CAPN1: variants seen among roughly 807,000 people sequenced by gnomAD.
The protein encoded by CAPN1 is calpain-1 catalytic subunit.
In CAPN1, 77 loss-of-function variants were observed where a neutral mutation model predicts 105.2. The ratio of observed to expected loss-of-function variants is 0.73; its 90% CI spans 0.61 to 0.88. The LOEUF (loss-of-function observed/expected upper bound fraction) is 0.88. Ranked by LOEUF, CAPN1 falls within the 40% of genes least tolerant of loss-of-function variation. The pLI is 0.00. For missense variants in CAPN1, 833 were observed against 976.6 expected, an observed-to-expected ratio of 0.85 and a Z score of 1.96; for synonymous variants, 355 against 388.8, an observed-to-expected ratio of 0.91 and a Z score of 1.02.
Position 65,211,056 on chromosome 11 carries a change from AG to A in CAPN1, c.2118+188del. 4.1e-6 allele frequency: 3 copies of A among 739,670 alleles called. No individual in the cohort carries two copies. In the South Asian group the frequency reaches 5.0e-5, roughly 12 times the overall value. 45.8% of individuals were successfully genotyped at this position (739,670 alleles called of 1,614,324 possible). ...GTCTGGATTCTGGGAAAGGAGCAGG[AG>A]GGGAGGTCCAGGCCCTTGGAGGCCC... On this transcript the variant is annotated intron_variant, in intron 21 of 21. Transcript: ENST00000279247.
At chr11:65,190,632 T>A (rs1948705112) in intron 10 of CAPN1, among the ~76,000 whole-genome samples, 1 of 152,180 alleles carries the variant, frequency 6.6e-6, no homozygotes, top group African/African-American at 2.4e-5. Flanking sequence ...TTACTACAGA[T>A]GTGTAAGTCC....
Position 65,206,523 on chromosome 11 carries a change from G to T in CAPN1, c.1414G>T (p.Ala472Ser). ...CTTCTTCCTGGCCAATGCGTCTCGG[G>T]CGCGCTCAGAGCAGTTCATCAACCT... The part of the protein sequence containing the change: ...RDFFLANASR[A>S]RSEQFINLRE... Residue 472 changes from alanine to serine, a missense_variant, in exon 13 of 22, where the codon GCG (alanine) becomes TCG (serine). Physicochemically the swap from Ala to Ser is moderately conservative, Grantham distance 99. Coordinates refer to ENST00000279247, the MANE Select transcript of CAPN1 (RefSeq NM_005186.4). 1.2e-6 allele frequency: 2 copies of T among 1,613,452 alleles called. No individual in the cohort carries two copies. The highest frequency in any genetic ancestry group is 1.7e-6 in the Non-Finnish European group (2 of 1,179,894).
intron 21 of CAPN1, 142 bp downstream of exon 21, chr11:65,211,014 A>G (rs1157145542): frequency 4.8e-6 from 4 of 830,770 alleles, no homozygotes; most frequent in Non-Finnish European, 6.0e-6. Context: ...TGAATCCTGA[A>G]AGGCTGGGGT....
Position 65,204,813 on chromosome 11 carries a change from C to T in CAPN1, c.1296C>T (p.Arg432=). ...TGCAGAAGCACCGTCGCCGCGAGCGCCGCTTCGGCCGCGACATGGAGACTA... is the reference window on the plus strand; with the variant it reads ...TGCAGAAGCACCGTCGCCGCGAGCGTCGCTTCGGCCGCGACATGGAGACTA... ...ALMQKHRRRE[R]RFGRDMETIG... Residue 432 remains arginine, a synonymous_variant, in exon 11 of 22, where the codon CGC becomes CGT. Coordinates refer to ENST00000279247, the MANE Select transcript of CAPN1 (RefSeq NM_005186.4). 6.2e-7 allele frequency: 1 copy of T among 1,612,418 alleles called. No individual in the cohort carries two copies. The highest frequency in any genetic ancestry group is 8.5e-7 in the Non-Finnish European group (1 of 1,179,416).
rs532548069 is a variant in CAPN1, at chr11:65,204,229, G to C, written c.1166-454G>C. 3.3e-5 allele frequency among the ~76,000 whole-genome samples: 5 copies of C among 152,250 alleles called. 1 individual carries two copies. In the South Asian group the frequency reaches 1.0e-3, roughly 32 times the overall value. On this transcript the variant is annotated intron_variant, in intron 10 of 21. Coordinates refer to ENST00000279247, the MANE Select transcript of CAPN1 (RefSeq NM_005186.4). The stretch of plus-strand genomic sequence containing the variant: ...AGTCCACACGCCCTAGTCCCTGGCC[G>C]GCTCCTGGGAGCTCTGCGGCCTCCC...
rs1412785969 is a variant in CAPN1, at chr11:65,211,690, G to A, written c.*404G>A. ...AAACTATAACCACTAGCTCGACACA[G>A]TCTGCAGTCCAGGCGTGTGGAGCCG... is the stretch of plus-strand genomic sequence containing the variant. On this transcript the variant is annotated 3_prime_UTR_variant, in exon 22 of 22. Transcript: ENST00000279247. 7 of 230,696 alleles carry A rather than the reference G, an allele frequency of 3.0e-5. No homozygotes were observed. The highest frequency in any genetic ancestry group is 4.4e-5 in the Non-Finnish European group (5 of 113,394). 14.3% of individuals were successfully genotyped at this position (230,696 alleles called of 1,614,324 possible). A position where few individuals can be genotyped will look rare whatever the true frequency, so the allele number is the denominator to read the frequency against.
Position 65,188,835 on chromosome 11 carries a change from T to C in CAPN1, c.1165+89T>C. The C allele has an allele frequency of 9.3e-7, 1 of 1,076,814 alleles. No individual in the cohort carries two copies. The highest frequency in any genetic ancestry group is 1.3e-6 in the Non-Finnish European group (1 of 744,470). 66.7% of individuals were successfully genotyped at this position (1,076,814 alleles called of 1,614,324 possible). The stretch of plus-strand genomic sequence containing the variant: ...TCTTACTGAGCCTCCGTTTCCTCAC[T>C]TGCAAGATATAGGCTGATCTCTTGA... On this transcript the variant is annotated intron_variant, in intron 10 of 21. Transcript: ENST00000279247. This position sits in a 1 kb window ranked among gnomAD's most constrained non-coding sequence, Gnocchi z 5.5.
chr11:65,197,268 C>G (rs1247586628), intron 10 of CAPN1, among the ~76,000 whole-genome samples: 1 of 152,168 alleles, frequency 6.6e-6, no homozygotes, highest in Non-Finnish European at 1.5e-5. Flanking sequence ...ATCCTAATGG[C>G]TTTGCCAATT....
In CAPN1 at chr11:65,204,613, G is replaced by A. The variant is rs541441278; in HGVS notation, c.1166-70G>A. The A allele has an allele frequency of 3.6e-6, 5 of 1,382,166 alleles. No homozygotes were observed. In the South Asian group the frequency reaches 4.8e-5, roughly 13 times the overall value. The allele number at this position is 1,382,166 out of a possible 1,614,324, so 85.6% of individuals were successfully genotyped here. On this transcript the variant is annotated intron_variant, in intron 10 of 21. Coordinates refer to ENST00000279247, the MANE Select transcript of CAPN1 (RefSeq NM_005186.4). ...ATGAATGCGTGCACAGGGACGTGCT[G>A]AGGAGGCTTGGGGGCCAATTGGCTC...
intron 10 of CAPN1, among the ~76,000 whole-genome samples, chr11:65,190,004 C>T (rs189831563): frequency 2.0e-5 from 3 of 152,294 alleles, no homozygotes; most frequent in Non-Finnish European, 1.5e-5. Context: ...TCATCGCCTC[C>T]CCACCTGCGA....
Position 65,210,434 on chromosome 11 carries a change from C to T in CAPN1, c.2041C>T (p.Arg681Trp). 6 of 1,609,346 alleles carry T rather than the reference C, an allele frequency of 3.7e-6. No individual in the cohort carries two copies. Among genetic ancestry groups the T allele is most frequent in the South Asian group, 3.3e-5 (3 of 90,620 alleles). ...DFDNFVCCLV[R>W]LETMFRFFKT... ...TGACAATTTCGTTTGCTGCCTGGTG[C>T]GGCTAGAGACCATGTTCCGTGAGTG... The change falls in exon 20 of 22, where the codon CGG (arginine) becomes TGG (tryptophan). Residue 681 changes from arginine (R) to tryptophan (W), a missense_variant. Arg to Trp is a moderately radical substitution (Grantham distance 101, BLOSUM62 -3). Coordinates refer to ENST00000279247, the MANE Select transcript of CAPN1 (RefSeq NM_005186.4). The surrounding 1 kb of genome is among the most constrained non-coding windows in gnomAD (Gnocchi z 4.3).
chr11:65,185,206 T>A (rs1948614779), intron 4 of CAPN1, among the ~76,000 whole-genome samples: 1 of 151,744 alleles, frequency 6.6e-6, no homozygotes, highest in Admixed American at 6.6e-5. Context: ...CCACAATGGG[T>A]ACAGAAGCCT....
chr11:65,182,579 G>C, intron 1 of CAPN1, 122 bp from the exon 2 acceptor site: 1 of 1,085,396 alleles, frequency 9.2e-7, no homozygotes. Flanking sequence ...GGAGCAGTGA[G>C]GCAGGGAAAC....
At chr11:65,201,765 G>A (rs1254571126) in intron 10 of CAPN1, among the ~76,000 whole-genome samples, 7 of 151,084 alleles carry the variant, frequency 4.6e-5, no homozygotes, top group Non-Finnish European at 7.4e-5. Flanking sequence ...TGATCCGCCC[G>A]TCTCGGCCTC....
In CAPN1 at chr11:65,182,772, G is replaced by A. The variant is rs532996410; in HGVS notation, c.71G>A (p.Arg24Lys). Residue 24 changes from arginine to lysine, a missense_variant, in exon 2 of 22, where the codon AGG becomes AAG. Coordinates refer to ENST00000279247, the MANE Select transcript of CAPN1 (RefSeq NM_005186.4). ...GCCCAAGTGCAGAAGCAGCGGGCCA[G>A]GGAGCTGGGCCTGGGCCGCCATGAG... ...VSAQVQKQRA[R>K]ELGLGRHENA... The A allele has an allele frequency of 1.9e-6, 3 of 1,582,122 alleles. No individual in the cohort carries two copies. In the East Asian group the frequency reaches 7.0e-5, roughly 37 times the overall value.
In CAPN1 at chr11:65,182,784, T is replaced by G. The variant is rs1400583348; in HGVS notation, c.83T>G (p.Leu28Arg). Residue 28 changes from leucine (L) to arginine (R), a missense_variant, in exon 2 of 22, where the codon CTG becomes CGG. Transcript: ENST00000279247. ...VQKQRARELG[L>R]GRHENAIKYL... Reference sequence around the variant, plus strand: ...AAGCAGCGGGCCAGGGAGCTGGGCCTGGGCCGCCATGAGAATGCCATCAAG... The same window carrying G: ...AAGCAGCGGGCCAGGGAGCTGGGCCGGGGCCGCCATGAGAATGCCATCAAG... The G allele has an allele frequency of 6.3e-7, 1 of 1,580,736 alleles. No individual in the cohort carries two copies. Among genetic ancestry groups the G allele is most frequent in the Non-Finnish European group, 8.6e-7 (1 of 1,164,130 alleles).
At chr11:65,182,678 G>T in intron 1 of CAPN1, 23 bp from the exon 2 acceptor site, 2 of 1,516,598 alleles carry the variant, frequency 1.3e-6, no homozygotes, top group Admixed American at 2.0e-5. Context: ...CCTGGGTTCT[G>T]AGCAGGCCCA....
At chr11:65,187,444 C>A in intron 7 of CAPN1, 146 bp downstream of exon 7, 1 of 627,880 alleles carries the variant, frequency 1.6e-6, no homozygotes, top group Non-Finnish European at 2.8e-6. Context: ...TGGGGACACC[C>A]ATCTGAGATG....
chr11:65,190,352 C>T (rs554146467), intron 10 of CAPN1, among the ~76,000 whole-genome samples: 3 of 152,202 alleles, frequency 2.0e-5, no homozygotes, highest in South Asian at 4.1e-4. Flanking sequence ...TTGCCAGATC[C>T]GCCGCTGCTC....
Sources: allele counts gnomAD v4.1 joint callset (sites outside exome capture counted in the v4.1 genomes callset), GRCh38; gene constraint gnomAD v4.1.1; non-coding constraint Gnocchi (gnomAD v3.1); transcripts MANE v1.5; gene names NCBI Gene and HGNC (gene_info 2026-07-23, HGNC 2026-07-21).